SLC71A1: variants seen among roughly 807,000 people sequenced by gnomAD.
The protein encoded by SLC71A1 is solute carrier family 71 member 1.
chr1:100,049,540 C>A, the SLC71A1 span, among the ~76,000 whole-genome samples: 2 of 152,090 alleles, frequency 1.3e-5, no homozygotes, highest in African/African-American at 4.8e-5. Context: ...TATATGAGAC[C>A]CATAATGCCG....
the SLC71A1 span, chr1:100,079,342 C>CT: frequency 2.0e-5 from 3 of 149,924 alleles, no homozygotes; most frequent in Non-Finnish European, 4.4e-5. Context: ...ACAGCAACAT[C>CT]TTTAATGTCA....
At chr1:100,047,292 T>C in the SLC71A1 span, among the ~76,000 whole-genome samples, 2 of 152,242 alleles carry the variant, frequency 1.3e-5, no homozygotes, top group Non-Finnish European at 2.9e-5. Flanking sequence ...TGCTTTTTCA[T>C]CATTAATTGA....
At chr1:100,056,572 C>T in the SLC71A1 span, among the ~76,000 whole-genome samples, 5 of 152,098 alleles carry the variant, frequency 3.3e-5, no homozygotes, top group Admixed American at 6.5e-5. Flanking sequence ...ATTGCACCAT[C>T]GCACTCCAGC....
chr1:100,077,093 T>A, the SLC71A1 span: 3 of 730,368 alleles, frequency 4.1e-6, no homozygotes, highest in African/African-American at 5.5e-5. Flanking sequence ...CCAATAGTCC[T>A]TTTATAGTGT....
chr1:100,054,300 G>A, the SLC71A1 span, among the ~76,000 whole-genome samples: 5 of 151,452 alleles, frequency 3.3e-5, no homozygotes, highest in African/African-American at 1.2e-4. Context: ...TGCAACCTTC[G>A]CCTCCCAGGT....
the SLC71A1 span, among the ~76,000 whole-genome samples, chr1:100,060,218 G>A: frequency 2.0e-5 from 3 of 152,092 alleles, no homozygotes; most frequent in Admixed American, 6.6e-5. Flanking sequence ...ACTGTTGGAG[G>A]CATCTAGACT....
chr1:100,041,751 C>G, the SLC71A1 span, among the ~76,000 whole-genome samples: 43 of 152,034 alleles, frequency 2.8e-4, no homozygotes, highest in African/African-American at 9.9e-4. Flanking sequence ...TGGTGAAACC[C>G]CATCTTTACC....
chr1:100,042,329 T>C, the SLC71A1 span, among the ~76,000 whole-genome samples: 1 of 152,190 alleles, frequency 6.6e-6, no homozygotes, highest in African/African-American at 2.4e-5. Flanking sequence ...AAAATTGATA[T>C]ATCATTTGAA....
the SLC71A1 span, among the ~76,000 whole-genome samples, chr1:100,062,914 T>TA: frequency 0.44 from 51,465 of 115,884 alleles, 12,257 homozygotes; most frequent in East Asian, 0.64. Context: ...TGTCTCTATT[T>TA]AAAAAAAAAA....
At chr1:100,059,575 A>C in the SLC71A1 span, among the ~76,000 whole-genome samples, 1 of 151,566 alleles carries the variant, frequency 6.6e-6, no homozygotes, top group Non-Finnish European at 1.5e-5. Context: ...ACACACATAC[A>C]TATACACACA....
the SLC71A1 span, among the ~76,000 whole-genome samples, chr1:100,072,562 GGTTT>G: frequency 2.2e-4 from 33 of 150,200 alleles, no homozygotes; most frequent in African/African-American, 8.2e-4. Flanking sequence ...AAAGGTCATT[GGTTT>G]TTTTCCATAA....
the SLC71A1 span, chr1:100,038,102 G>T: frequency 2.6e-6 from 2 of 765,468 alleles, no homozygotes; most frequent in Non-Finnish European, 4.4e-6. Flanking sequence ...GCCGGAGGCA[G>T]GCCGGGCCCT....
the SLC71A1 span, among the ~76,000 whole-genome samples, chr1:100,040,160 G>A: frequency 5.9e-5 from 9 of 152,208 alleles, no homozygotes; most frequent in East Asian, 1.4e-3. Context: ...AAGGGGCTTT[G>A]TTTTGTATGT....
At chr1:100,082,497 C>T in the SLC71A1 span, 572 of 357,878 alleles carry the variant, frequency 1.6e-3, 2 homozygotes, top group Middle Eastern at 5.1e-3. Context: ...TATGTAACTT[C>T]TTAGATATTA....
the SLC71A1 span, chr1:100,067,994 T>C: frequency 6.2e-7 from 1 of 1,614,180 alleles, no homozygotes; most frequent in Non-Finnish European, 8.5e-7. Context: ...CAACATTTGC[T>C]GCAAGTTTAG....
At chr1:100,079,501 AT>A in the SLC71A1 span, 1 of 152,244 alleles carries the variant, frequency 6.6e-6, no homozygotes, top group Non-Finnish European at 1.5e-5. Flanking sequence ...TGGTTGATAA[AT>A]GAGGAAGGAA....
chr1:100,082,187 T>C, the SLC71A1 span: 1 of 1,614,074 alleles, frequency 6.2e-7, no homozygotes, highest in African/African-American at 1.3e-5. Flanking sequence ...AAAGAACCTT[T>C]ACTCCAGGAC....
the SLC71A1 span, chr1:100,061,687 A>C: frequency 3.1e-5 from 19 of 621,210 alleles, no homozygotes; most frequent in Middle Eastern, 4.2e-4. Flanking sequence ...TCTGTGGCTT[A>C]TATTTATGGA....
the SLC71A1 span, among the ~76,000 whole-genome samples, chr1:100,064,874 C>T: frequency 6.6e-6 from 1 of 151,658 alleles, no homozygotes; most frequent in Non-Finnish European, 1.5e-5. Context: ...CAGGCATGAT[C>T]CACCATGCCC....
Sources: allele counts gnomAD v4.1 joint callset (sites outside exome capture counted in the v4.1 genomes callset), GRCh38; gene constraint gnomAD v4.1.1; transcripts MANE v1.5; gene names NCBI Gene and HGNC (gene_info 2026-07-23, HGNC 2026-07-21).